The following CTLA4 variants were observed in gnomAD, a reference collection of about 807,000 sequenced individuals.
The protein encoded by CTLA4 is cytotoxic T-lymphocyte associated protein 4.
CTLA4 carries 3 observed loss-of-function variants against 20.4 expected under a neutral mutation model. The ratio of observed to expected loss-of-function variants is 0.15; its 90% CI spans 0.07 to 0.38. The LOEUF (loss-of-function observed/expected upper bound fraction) is 0.38, where lower values mean the gene tolerates loss of function less well. Among genes scored for constraint, CTLA4 ranks in the 10% least tolerant of loss-of-function variants. The pLI, the probability that CTLA4 is intolerant of heterozygous loss-of-function variation, is 1.00. For missense variants in CTLA4, 184 were observed against 276.8 expected, an observed-to-expected ratio of 0.66 and a Z score of 2.38; for synonymous variants, 100 against 105.2, an observed-to-expected ratio of 0.95 and a Z score of 0.30.
At position 203,873,357 on chromosome 2, in the gene CTLA4, TATATATATATATATATATATATATA is replaced by T. The variant is rs1559592814; in HGVS notation, c.*546_*570del. 2.6e-4 allele frequency: 14 copies of T among 54,424 alleles called. No individual in the cohort carries two copies. Among genetic ancestry groups the T allele is most frequent in the Non-Finnish European group, 4.1e-4 (9 of 22,006 alleles). 3.4% of individuals were successfully genotyped at this position (54,424 alleles called of 1,614,324 possible). A position where few individuals can be genotyped will look rare whatever the true frequency, so the allele number is the denominator to read the frequency against. On this transcript the variant is annotated 3_prime_UTR_variant, in exon 4 of 4. Transcript: ENST00000648405. ...ATATATATATATATATATATATATA[TATATATATATATATATATATATATA>T]TTTTAATTTGATAGTATTGTGCATA...
In CTLA4 at chr2:203,873,892, T is replaced by C; in HGVS notation, c.*1080T>C. The C allele has an allele frequency of 4.3e-6, 1 of 230,244 alleles. No individual in the cohort carries two copies. Among genetic ancestry groups the C allele is most frequent in the Admixed American group, 5.7e-5 (1 of 17,682 alleles). 14.3% of individuals were successfully genotyped at this position (230,244 alleles called of 1,614,324 possible). A position where few individuals can be genotyped will look rare whatever the true frequency, so the allele number is the denominator to read the frequency against. On this transcript the variant is annotated 3_prime_UTR_variant, in exon 4 of 4. Coordinates refer to ENST00000648405, the MANE Select transcript of CTLA4 (RefSeq NM_005214.5). ...AACACTGCTTGTGTTTTTAACTCAA[T>C]ATTTTCCATGAAAATGCAACAACAT...
At position 203,873,263 on chromosome 2, in the gene CTLA4, G is replaced by C. The variant is rs35411154; in HGVS notation, c.*451G>C. 1.1e-3 allele frequency: 424 copies of C among 373,718 alleles called. 6 individuals are homozygous for C. The East Asian group carries it at 0.016, about 14-fold the overall frequency. The allele number at this position is 373,718 out of a possible 1,614,324, so 23.2% of individuals were successfully genotyped here. On this transcript the variant is annotated 3_prime_UTR_variant, in exon 4 of 4. Transcript: ENST00000648405. ...TAAACAAATGTATGATTACATCAAG[G>C]CTTCAAAAATACTCACATGGCTATG...
rs759766975 is a variant in CTLA4 at position 203,870,628 on chromosome 2, G to A, written c.152G>A (p.Arg51Gln). 7 of 1,614,188 alleles carry A rather than the reference G, an allele frequency of 4.3e-6. No homozygotes were observed. Among genetic ancestry groups the A allele is most frequent in the Non-Finnish European group, 5.9e-6 (7 of 1,180,028 alleles). The change falls in exon 2 of 4, where the codon CGA becomes CAA. Residue 51 changes from arginine to glutamine, a missense_variant. Transcript: ENST00000648405. The surrounding 1 kb of genome is among the most constrained non-coding windows in gnomAD (Gnocchi z 5.3). ...AQPAVVLASS[R>Q]GIASFVCEYA... ...CCTGCTGTGGTACTGGCCAGCAGCC[G>A]AGGCATCGCCAGCTTTGTGTGTGAG...
Position 203,873,947 on chromosome 2 carries a change from G to T in CTLA4, c.*1135G>T. On this transcript the variant is annotated 3_prime_UTR_variant, in exon 4 of 4. Transcript: ENST00000648405. ...AATATTTTTAATTAAATAAAAATCT[G>T]TGGTGGTCGTTTTCCGGAGTTGTCT... 1 of 222,416 alleles carries T rather than the reference G, an allele frequency of 4.5e-6. No individual in the cohort carries two copies. The highest frequency in any genetic ancestry group is 9.0e-6 in the Non-Finnish European group (1 of 110,862). The allele number at this position is 222,416 out of a possible 1,614,324, so 13.8% of individuals were successfully genotyped here.
At position 203,873,327 on chromosome 2, in the gene CTLA4, CATATATAT is replaced by C. The variant is rs60872763; in HGVS notation, c.*564_*571del. ...TGCTAAAGGTTGTATTGCATATATA[CATATATAT>C]ATATATATATATATATATATATATA... On this transcript the variant is annotated 3_prime_UTR_variant, in exon 4 of 4. Coordinates refer to ENST00000648405, the MANE Select transcript of CTLA4 (RefSeq NM_005214.5). The C allele has an allele frequency of 3.5e-3, 632 of 182,596 alleles. 1 individual carries two copies. Among genetic ancestry groups the C allele is most frequent in the African/African-American group, 6.8e-3 (209 of 30,558 alleles). The allele number at this position is 182,596 out of a possible 1,614,324, so 11.3% of individuals were successfully genotyped here.
In CTLA4 at chr2:203,870,431, G is replaced by A; in HGVS notation, c.110-155G>A. 1 of 663,152 alleles carries A rather than the reference G, an allele frequency of 1.5e-6. No homozygotes were observed. The highest frequency in any genetic ancestry group is 2.5e-6 in the Non-Finnish European group (1 of 392,498). 41.1% of individuals were successfully genotyped at this position (663,152 alleles called of 1,614,324 possible). ...AAAACAGTTGAGAGATGGAGGGGAG[G>A]CTGGGGGTGTGGAGAGGGGAAGGGG... On this transcript the variant is annotated intron_variant, in intron 1 of 3. Transcript: ENST00000648405. This position sits in a 1 kb window ranked among gnomAD's most constrained non-coding sequence, Gnocchi z 5.3.
intron 3 of CTLA4, among the ~76,000 whole-genome samples, chr2:203,872,125 C>A (rs1418086377): frequency 6.6e-6 from 1 of 152,142 alleles, no homozygotes; most frequent in Non-Finnish European, 1.5e-5. Flanking sequence ...TTTTGACAGT[C>A]CCTCTCAGAC....
At position 203,870,859 on chromosome 2, in the gene CTLA4, T is replaced by C; in HGVS notation, c.383T>C (p.Ile128Thr). 6.2e-7 allele frequency: 1 copy of C among 1,614,182 alleles called. No individual in the cohort carries two copies. Among genetic ancestry groups the C allele is most frequent in the Non-Finnish European group, 8.5e-7 (1 of 1,180,024 alleles). Residue 128 changes from isoleucine (I) to threonine (T), a missense_variant, in exon 2 of 4, where the codon ATC (isoleucine) becomes ACC (threonine). Around this residue, in one of 3 missense-constraint regions of CTLA4, gnomAD observed 147 missense variants for 223.4 expected, o/e 0.66. Transcript: ENST00000648405. This position sits in a 1 kb window ranked among gnomAD's most constrained non-coding sequence, Gnocchi z 5.3. ...AGGGCCATGGACACGGGACTCTACA[T>C]CTGCAAGGTGGAGCTCATGTACCCA... The part of the protein sequence containing the change: ...GLRAMDTGLY[I>T]CKVELMYPPP...
rs1461208141 is a variant in CTLA4 at position 203,868,041 on chromosome 2, C to T, written c.99C>T (p.Val33=). The T allele has an allele frequency of 6.2e-7, 1 of 1,612,386 alleles. No individual in the cohort carries two copies. Among genetic ancestry groups the T allele is most frequent in the Non-Finnish European group, 8.5e-7 (1 of 1,178,388 alleles). ...TGTTTTTTCTTCTCTTCATCCCTGT[C>T]TTCTGCAAAGGTGAGTGAGACTTTT... ...TLLFFLLFIP[V]FCKAMHVAQP... Residue 33 remains valine, a synonymous_variant, in exon 1 of 4, where the codon GTC becomes GTT. Coordinates refer to ENST00000648405, the MANE Select transcript of CTLA4 (RefSeq NM_005214.5).
In CTLA4 at chr2:203,870,180, T is replaced by C. The variant is rs1688702432; in HGVS notation, c.110-406T>C. 1 of 213,654 alleles carries C rather than the reference T, an allele frequency of 4.7e-6. No individual in the cohort carries two copies. The highest frequency in any genetic ancestry group is 8.5e-5 in the South Asian group (1 of 11,708). 13.2% of individuals were successfully genotyped at this position (213,654 alleles called of 1,614,324 possible). The stretch of plus-strand genomic sequence containing the variant: ...TAGTTCCGGAGCTATATAGCTCCTA[T>C]CATTCTATCATAACCTTAGAATACC... On this transcript the variant is annotated intron_variant, in intron 1 of 3. Coordinates refer to ENST00000648405, the MANE Select transcript of CTLA4 (RefSeq NM_005214.5). This position sits in a 1 kb window ranked among gnomAD's most constrained non-coding sequence, Gnocchi z 5.3.
intron 3 of CTLA4, among the ~76,000 whole-genome samples, chr2:203,871,745 G>C (rs1385860254): frequency 6.6e-6 from 1 of 152,188 alleles, no homozygotes; most frequent in Non-Finnish European, 1.5e-5. Context: ...AGTAACCGTT[G>C]CAATAACATG....
intron 3 of CTLA4, 127 bp from the exon 4 acceptor site, chr2:203,872,581 A>T: frequency 2.0e-6 from 1 of 501,680 alleles, no homozygotes; most frequent in Non-Finnish European, 3.6e-6. Flanking sequence ...TGAGGTTTAT[A>T]ATTCTGTATG....
At position 203,870,579 on chromosome 2, in the gene CTLA4, A is replaced by T. The variant is rs200180357; in HGVS notation, c.110-7A>T. On this transcript the variant is annotated splice_region_variant and splice_polypyrimidine_tract_variant and intron_variant, in intron 1 of 3. Coordinates refer to ENST00000648405, the MANE Select transcript of CTLA4 (RefSeq NM_005214.5). This position sits in a 1 kb window ranked among gnomAD's most constrained non-coding sequence, Gnocchi z 5.3. ...TCACTGAGTTCCCTTTGGCTTTTCCATGCTAGCAATGCACGTGGCCCAGCC... is the reference window on the plus strand; with the variant it reads ...TCACTGAGTTCCCTTTGGCTTTTCCTTGCTAGCAATGCACGTGGCCCAGCC... 9 of 1,611,404 alleles carry T rather than the reference A, an allele frequency of 5.6e-6. No homozygotes were observed. Among genetic ancestry groups the T allele is most frequent in the Non-Finnish European group, 6.8e-6 (8 of 1,177,858 alleles).
rs536663242 is a variant in CTLA4, at chr2:203,871,574, T to C, written c.567+87T>C. The C allele has an allele frequency of 4.8e-6, 5 of 1,050,498 alleles. No homozygotes were observed. The African/African-American group carries it at 6.3e-5, about 13-fold the overall frequency. 65.1% of individuals were successfully genotyped at this position (1,050,498 alleles called of 1,614,324 possible). On this transcript the variant is annotated intron_variant, in intron 3 of 3. Transcript: ENST00000648405. ...CCAAAAGATGATGTTGAGTTTAGTG[T>C]TCTTGAGATGAGATGAGGCAATAAA... is the stretch of plus-strand genomic sequence containing the variant.
In CTLA4 at chr2:203,870,783, T is replaced by C; in HGVS notation, c.307T>C (p.Cys103Arg). The change falls in exon 2 of 4, where the codon TGC (cysteine) becomes CGC (arginine). Residue 103 changes from cysteine (C) to arginine (R), a missense_variant. This residue lies in a region of CTLA4 where 147 missense variants were observed against 223.4 expected (regional missense o/e 0.66). Coordinates refer to ENST00000648405, the MANE Select transcript of CTLA4 (RefSeq NM_005214.5). This position sits in a 1 kb window ranked among gnomAD's most constrained non-coding sequence, Gnocchi z 5.3. ...GTTGACCTTCCTAGATGATTCCATC[T>C]GCACGGGCACCTCCAGTGGAAATCA... ...NELTFLDDSI[C>R]TGTSSGNQVN... The C allele has an allele frequency of 6.2e-7, 1 of 1,614,232 alleles. No homozygotes were observed. The highest frequency in any genetic ancestry group is 8.5e-7 in the Non-Finnish European group (1 of 1,180,036).
rs972048666 is a variant in CTLA4 at position 203,873,956 on chromosome 2, G to A, written c.*1144G>A. 7 of 219,088 alleles carry A rather than the reference G, an allele frequency of 3.2e-5. No homozygotes were observed. Among genetic ancestry groups the A allele is most frequent in the South Asian group, 3.7e-4 (2 of 5,404 alleles). 13.6% of individuals were successfully genotyped at this position (219,088 alleles called of 1,614,324 possible). The stretch of plus-strand genomic sequence containing the variant: ...AATTAAATAAAAATCTGTGGTGGTC[G>A]TTTTCCGGAGTTGTCTTTATCATCC... On this transcript the variant is annotated 3_prime_UTR_variant, in exon 4 of 4. Transcript: ENST00000648405.
rs557736617 is a variant in CTLA4, at chr2:203,873,106, A to G, written c.*294A>G. 1 of 531,422 alleles carries G rather than the reference A, an allele frequency of 1.9e-6. No individual in the cohort carries two copies. Among genetic ancestry groups the G allele is most frequent in the South Asian group, 3.3e-5 (1 of 30,046 alleles). 32.9% of individuals were successfully genotyped at this position (531,422 alleles called of 1,614,324 possible). A position where few individuals can be genotyped will look rare whatever the true frequency, so the allele number is the denominator to read the frequency against. ...TGTGGGTCAAGGAATTAAGTTAGGG[A>G]ATGGCACAGCCCAAAGAAGGAAAAG... On this transcript the variant is annotated 3_prime_UTR_variant, in exon 4 of 4. Transcript: ENST00000648405.
rs772433747 is a variant in CTLA4 at position 203,867,989 on chromosome 2, C to A, written c.47C>A (p.Ala16Asp). 7.4e-6 allele frequency: 12 copies of A among 1,614,052 alleles called. No homozygotes were observed. The Admixed American group carries it at 2.0e-4, about 27-fold the overall frequency. The change falls in exon 1 of 4, where the codon GCT becomes GAT. Residue 16 changes from alanine to aspartate, a missense_variant. Transcript: ENST00000648405. ...FQRHKAQLNL[A>D]TRTWPCTLLF... ...CGGCACAAGGCTCAGCTGAACCTGG[C>A]TACCAGGACCTGGCCCTGCACTCTC...
intron 3 of CTLA4, among the ~76,000 whole-genome samples, chr2:203,871,883 T>C (rs780366418): frequency 6.6e-6 from 1 of 152,222 alleles, no homozygotes; most frequent in Non-Finnish European, 1.5e-5. Context: ...TCCTTCTCCA[T>C]GTCCCTCTCC....
Sources: allele counts gnomAD v4.1 joint callset (sites outside exome capture counted in the v4.1 genomes callset), GRCh38; gene constraint gnomAD v4.1.1; regional missense constraint gnomAD v4.1.1; non-coding constraint Gnocchi (gnomAD v3.1); transcripts MANE v1.5; gene names NCBI Gene and HGNC (gene_info 2026-07-23, HGNC 2026-07-21).